The following DIAPH2 variants were observed in gnomAD, a reference collection of about 807,000 sequenced individuals.
DIAPH2 encodes the protein protein diaphanous homolog 2.
A neutral mutation model predicts 92.7 loss-of-function variants in DIAPH2; 35 were observed. That is an observed-to-expected ratio of 0.38 (90% CI 0.29 to 0.50). The LOEUF (loss-of-function observed/expected upper bound fraction) is 0.50, where lower values mean the gene tolerates loss of function less well. Ranked by LOEUF, DIAPH2 falls within the 20% of genes least tolerant of loss-of-function variation. DIAPH2 has a pLI of 0.94. For synonymous variants in DIAPH2, 301 were observed against 280.4 expected, an observed-to-expected ratio of 1.07 and a Z score of -0.73; for missense variants, 701 against 819.5, an observed-to-expected ratio of 0.86 and a Z score of 1.77.
chrX:97,016,524 G>A (rs1273549008), intron 17 of DIAPH2, among the ~76,000 whole-genome samples: 1 of 111,954 alleles, frequency 8.9e-6, no homozygotes, highest in Non-Finnish European at 1.9e-5. Context: ...TAAAACGTTG[G>A]TCATGTTGAT....
rs1220221550 is a variant in DIAPH2, at chrX:97,082,473, A to T, written c.2247+7212A>T. ...CGACTCTACTAAAAAAAAAAAAAAA[A>T]ATACAAAAATTAGTCAGGTGTGGGG... On this transcript the variant is annotated intron_variant, in intron 19 of 26. Coordinates refer to ENST00000324765, the MANE Select transcript of DIAPH2 (RefSeq NM_006729.5). Among the ~76,000 whole-genome samples the T allele has an allele frequency of 8.3e-5, 9 of 108,679 alleles. No individual in the cohort carries two copies. The East Asian group carries it at 1.7e-3, about 21-fold the overall frequency. 94.4% of individuals were successfully genotyped at this position (108,679 alleles called of 115,157 possible).
At chrX:97,161,102 C>T (rs184579603) in intron 22 of DIAPH2, among the ~76,000 whole-genome samples, 18 of 100,922 alleles carry the variant, frequency 1.8e-4, no homozygotes, top group African/African-American at 6.1e-4. Context: ...GGGATGCAGC[C>T]GGGGACTCTC....
chrX:97,542,527 G>A (rs2071147879), intron 26 of DIAPH2, among the ~76,000 whole-genome samples: 1 of 112,253 alleles, frequency 8.9e-6, no homozygotes. Context: ...TGCTCTAAGC[G>A]AAGGCAGTTA....
intron 22 of DIAPH2, among the ~76,000 whole-genome samples, chrX:97,210,152 G>A (rs1200941530): frequency 2.7e-5 from 3 of 111,158 alleles, no homozygotes; most frequent in African/African-American, 9.8e-5. Context: ...CAAATTACCA[G>A]GTAGTATAAA....
At chrX:97,056,629 G>A (rs1017487395) in intron 17 of DIAPH2, among the ~76,000 whole-genome samples, 3 of 111,494 alleles carry the variant, frequency 2.7e-5, no homozygotes, top group Non-Finnish European at 5.7e-5. Context: ...TTTTAGTAAT[G>A]TAATTTTCTA....
At chrX:97,298,771 C>T (rs1334245972) in intron 23 of DIAPH2, among the ~76,000 whole-genome samples, 3 of 109,948 alleles carry the variant, frequency 2.7e-5, no homozygotes, top group South Asian at 7.9e-4. Flanking sequence ...TCCACCACCA[C>T]GCCCAGCTAA....
intron 4 of DIAPH2, among the ~76,000 whole-genome samples, chrX:96,784,041 C>G (rs770192408): frequency 9.0e-6 from 1 of 111,634 alleles, no homozygotes; most frequent in Non-Finnish European, 1.9e-5. Context: ...TCTGATCTCC[C>G]CAGAATATTT....
At chrX:97,049,886 A>G (rs970437558) in intron 17 of DIAPH2, among the ~76,000 whole-genome samples, 9 of 111,208 alleles carry the variant, frequency 8.1e-5, no homozygotes, top group African/African-American at 2.9e-4. Context: ...TTGTGCACTT[A>G]CTATATATGC....
intron 17 of DIAPH2, among the ~76,000 whole-genome samples, chrX:96,978,383 A>G (rs1423988895): frequency 9.0e-6 from 1 of 110,502 alleles, no homozygotes; most frequent in Non-Finnish European, 1.9e-5. Flanking sequence ...TACAGTAATC[A>G]CTAATGTTCT....
At chrX:97,163,507 G>A (rs894463615) in intron 22 of DIAPH2, among the ~76,000 whole-genome samples, 4 of 111,962 alleles carry the variant, frequency 3.6e-5, no homozygotes, top group Non-Finnish European at 7.5e-5. Flanking sequence ...TCAATACATG[G>A]TCTCCACACA....
chrX:97,512,294 C>T (rs754820302), intron 26 of DIAPH2, among the ~76,000 whole-genome samples: 195 of 113,334 alleles, frequency 1.7e-3, no homozygotes, highest in African/African-American at 6.0e-3. Flanking sequence ...AGTTTATTTG[C>T]GTAGAGGTGT....
chrX:97,523,549 G>A (rs1169116389), intron 26 of DIAPH2, among the ~76,000 whole-genome samples: 1 of 111,202 alleles, frequency 9.0e-6, no homozygotes, highest in Non-Finnish European at 1.9e-5. Flanking sequence ...CTGCTTCCAC[G>A]ACTACCAGGG....
intron 23 of DIAPH2, among the ~76,000 whole-genome samples, chrX:97,304,714 A>G (rs1244576052): frequency 8.9e-6 from 1 of 111,999 alleles, no homozygotes; most frequent in Admixed American, 9.5e-5. Context: ...TTCCTTTTTA[A>G]TAAAGGATGC....
intron 26 of DIAPH2, among the ~76,000 whole-genome samples, chrX:97,460,561 T>C (rs753334640): frequency 2.2e-4 from 25 of 111,894 alleles, no homozygotes; most frequent in Admixed American, 1.4e-3. Flanking sequence ...TCCTGGGAGA[T>C]AGATTCATTT....
intron 1 of DIAPH2, among the ~76,000 whole-genome samples, chrX:96,730,787 T>C (rs926451730): frequency 1.7e-4 from 19 of 111,475 alleles, no homozygotes; most frequent in Non-Finnish European, 9.4e-5. Context: ...GTTTCACTTA[T>C]GTCACTCGTG....
chrX:96,883,196 G>A (rs1032497887), intron 5 of DIAPH2, among the ~76,000 whole-genome samples: 1 of 110,086 alleles, frequency 9.1e-6, no homozygotes, highest in Non-Finnish European at 1.9e-5. Context: ...TGTATAAATT[G>A]AAATATATTA....
chrX:97,476,964 A>ATATATAT (rs1348112990), intron 26 of DIAPH2, among the ~76,000 whole-genome samples: 2 of 51,216 alleles, frequency 3.9e-5, no homozygotes, highest in Non-Finnish European at 7.7e-5. Context: ...AAAAAAAAAA[A>ATATATAT]AAAAATATAT....
chrX:97,161,399 T>C (rs1340121795), intron 22 of DIAPH2, among the ~76,000 whole-genome samples: 1 of 110,981 alleles, frequency 9.0e-6, no homozygotes, highest in African/African-American at 3.3e-5. Flanking sequence ...AAGTTTTTTG[T>C]GGGTTTTTTG....
chrX:97,035,038 G>T (rs1372659158), intron 17 of DIAPH2, among the ~76,000 whole-genome samples: 2 of 111,866 alleles, frequency 1.8e-5, no homozygotes, highest in East Asian at 5.6e-4. Context: ...CCACAGCTTT[G>T]CTTGTAAGAT....
Sources: allele counts gnomAD v4.1 joint callset (sites outside exome capture counted in the v4.1 genomes callset), GRCh38; gene constraint gnomAD v4.1.1; transcripts MANE v1.5; gene names NCBI Gene and HGNC (gene_info 2026-07-23, HGNC 2026-07-21).